The following TMEM38A variants were observed in gnomAD, a reference collection of about 807,000 sequenced individuals.
The protein encoded by TMEM38A is trimeric intracellular cation channel type A.
A neutral mutation model predicts 28.6 loss-of-function variants in TMEM38A; 17 were observed. The ratio of observed to expected loss-of-function variants is 0.60; its 90% CI spans 0.41 to 0.89. The LOEUF (loss-of-function observed/expected upper bound fraction) is 0.89. Ranked by LOEUF, TMEM38A falls within the 40% of genes least tolerant of loss-of-function variation. The probability of loss-of-function intolerance (pLI) is 0.00; values close to 1 mark genes in which losing one functional copy is unlikely to be tolerated. For missense variants in TMEM38A, 328 were observed against 393.1 expected (o/e 0.83, Z 1.40); for synonymous variants, 169 against 166.1 (o/e 1.02, Z -0.14).
chr19:16,685,316 G>A (rs1342045235), intron 4 of TMEM38A, among the ~76,000 whole-genome samples: 3 of 151,814 alleles, frequency 2.0e-5, no homozygotes, highest in Non-Finnish European at 4.4e-5. Context: ...AACCCAGGAG[G>A]TGGAGGTTGC....
At chr19:16,676,365 AAG>A (rs1258075447) in intron 1 of TMEM38A, among the ~76,000 whole-genome samples, 1 of 152,192 alleles carries the variant, frequency 6.6e-6, no homozygotes, top group Admixed American at 6.6e-5. Flanking sequence ...CAAACAAAAA[AAG>A]AGAGAGATTA....
Position 16,689,932 on chromosome 19 carries a change from G to A in TMEM38A, c.*1561G>A, listed in dbSNP as rs2086819047. On this transcript the variant is annotated 3_prime_UTR_variant, in exon 6 of 6. Coordinates refer to ENST00000187762, the MANE Select transcript of TMEM38A (RefSeq NM_024074.4). Reference sequence around the variant, plus strand: ...AAATTGCCTTGTTCCTGTGATGCCTGGGAGTTAGGTGGGTCCTGGGGAGGT... The same window carrying A: ...AAATTGCCTTGTTCCTGTGATGCCTAGGAGTTAGGTGGGTCCTGGGGAGGT... The A allele has an allele frequency of 6.6e-6, 1 of 152,258 alleles. No individual in the cohort carries two copies. The highest frequency in any genetic ancestry group is 1.5e-5 in the Non-Finnish European group (1 of 68,118). The allele number at this position is 152,258 out of a possible 1,614,324, so 9.4% of individuals were successfully genotyped here.
intron 1 of TMEM38A, among the ~76,000 whole-genome samples, chr19:16,670,008 C>G (rs370817317): frequency 6.6e-6 from 1 of 151,748 alleles, no homozygotes; most frequent in Non-Finnish European, 1.5e-5. Flanking sequence ...TCGCTATTAT[C>G]GCCCAGGTTG....
chr19:16,662,548 G>A (rs1467463236), intron 1 of TMEM38A, among the ~76,000 whole-genome samples: 1 of 146,882 alleles, frequency 6.8e-6, no homozygotes, highest in African/African-American at 2.5e-5. Context: ...CCACCTTCCA[G>A]GTTCAAGCGA....
chr19:16,662,453 T>C (rs2086686251), intron 1 of TMEM38A, among the ~76,000 whole-genome samples: 1 of 149,844 alleles, frequency 6.7e-6, no homozygotes, highest in Admixed American at 6.6e-5. Context: ...TTTTTTTTTT[T>C]TTTTTGCGGT....
chr19:16,679,252 CGTGTGTGTGTGTGT>C (rs35543309), intron 1 of TMEM38A, among the ~76,000 whole-genome samples: 3,935 of 128,364 alleles, frequency 0.031, 138 homozygotes, highest in Admixed American at 0.094. Context: ...TCTTTTGTTT[CGTGTGTGTGTGTGT>C]GTGTGTGTGT....
At chr19:16,664,259 T>G (rs1020663017) in intron 1 of TMEM38A, among the ~76,000 whole-genome samples, 5 of 125,888 alleles carry the variant, frequency 4.0e-5, no homozygotes, top group Non-Finnish European at 7.7e-5. Flanking sequence ...CCACTACAAA[T>G]GCAAAAAAAT....
intron 1 of TMEM38A, among the ~76,000 whole-genome samples, chr19:16,671,114 C>T (rs893309951): frequency 1.3e-5 from 2 of 150,364 alleles, no homozygotes; most frequent in African/African-American, 2.5e-5. Context: ...TCATGGCATG[C>T]GGCAGTTGAA....
rs199904175 is a variant in TMEM38A, at chr19:16,678,290, G to A, written c.125-1694G>A. 1.3e-4 allele frequency among the ~76,000 whole-genome samples: 20 copies of A among 152,140 alleles called. No individual in the cohort carries two copies. The East Asian group carries it at 2.3e-3, about 18-fold the overall frequency. ...CTAAAAATACAAAAATTAGTTGGGCGTGGTGGCGCATGCCTGTAATCCCAG... is the reference window on the plus strand; with the variant it reads ...CTAAAAATACAAAAATTAGTTGGGCATGGTGGCGCATGCCTGTAATCCCAG... On this transcript the variant is annotated intron_variant, in intron 1 of 5. Transcript: ENST00000187762.
chr19:16,680,182 A>C (rs1270161761), intron 2 of TMEM38A, 42 bp downstream of exon 2: 1 of 1,593,438 alleles, frequency 6.3e-7, no homozygotes. Context: ...CGGGTGGGGG[A>C]AACAACAACC....
At chr19:16,670,681 G>A (rs895047830) in intron 1 of TMEM38A, among the ~76,000 whole-genome samples, 3 of 151,160 alleles carry the variant, frequency 2.0e-5, no homozygotes, top group Non-Finnish European at 4.4e-5. Context: ...GCTCATGCCT[G>A]TAATCCCAGC....
At chr19:16,679,297 G>GTA (rs1309425920) in intron 1 of TMEM38A, among the ~76,000 whole-genome samples, 7 of 100,168 alleles carry the variant, frequency 7.0e-5, no homozygotes, top group African/African-American at 4.2e-4. Flanking sequence ...GTGTGTGTGT[G>GTA]TATGTGTGTG....
intron 1 of TMEM38A, among the ~76,000 whole-genome samples, chr19:16,662,994 A>G (rs957695462): frequency 7.2e-5 from 11 of 151,748 alleles, no homozygotes; most frequent in Non-Finnish European, 1.2e-4. Context: ...AGAAAATCTG[A>G]AACTGGCTGG....
intron 1 of TMEM38A, among the ~76,000 whole-genome samples, chr19:16,673,073 TG>T (rs1190216396): frequency 6.6e-6 from 1 of 151,786 alleles, no homozygotes; most frequent in African/African-American, 2.4e-5. Flanking sequence ...TTTTTCTTTT[TG>T]TTTGTTTGTT....
intron 1 of TMEM38A, among the ~76,000 whole-genome samples, chr19:16,664,062 C>T (rs1332034194): frequency 1.3e-5 from 2 of 152,076 alleles, no homozygotes; most frequent in Non-Finnish European, 2.9e-5. Context: ...GGGACTCAGC[C>T]CAGGTCTGCT....
intron 4 of TMEM38A, among the ~76,000 whole-genome samples, chr19:16,683,782 C>T (rs921239372): frequency 2.0e-5 from 3 of 151,576 alleles, no homozygotes; most frequent in African/African-American, 7.3e-5. Flanking sequence ...ACCAGCCTGA[C>T]CAACATAGAG....
intron 1 of TMEM38A, among the ~76,000 whole-genome samples, chr19:16,668,580 T>A (rs936636906): frequency 2.0e-5 from 3 of 150,778 alleles, no homozygotes; most frequent in African/African-American, 7.3e-5. Flanking sequence ...GCTCAGGAGA[T>A]CCACCTGCCT....
chr19:16,662,436 C>CTTTTTTTTTTTTTTT (rs35226829), intron 1 of TMEM38A, among the ~76,000 whole-genome samples: 18 of 75,832 alleles, frequency 2.4e-4, no homozygotes, highest in African/African-American at 3.3e-4. Flanking sequence ...TAAATGCACG[C>CTTTTTTTTTTTTTTT]TTTTTTTTTT....
chr19:16,680,807 G>A lies in TMEM38A; in HGVS notation c.466+226G>A, dbSNP rs1599391041. On this transcript the variant is annotated intron_variant, in intron 3 of 5. Coordinates refer to ENST00000187762, the MANE Select transcript of TMEM38A (RefSeq NM_024074.4). ...GGGTACCTAAGACAGTGATGATGAT[G>A]ACAAAAGCCAGCATTGCCAGAGCAG... 5 of 539,958 alleles carry A rather than the reference G, an allele frequency of 9.3e-6. No individual in the cohort carries two copies. In the East Asian group the frequency reaches 1.2e-4, roughly 13 times the overall value. The allele number at this position is 539,958 out of a possible 1,614,324, so 33.4% of individuals were successfully genotyped here.
Sources: allele counts gnomAD v4.1 joint callset (sites outside exome capture counted in the v4.1 genomes callset), GRCh38; gene constraint gnomAD v4.1.1; transcripts MANE v1.5; gene names NCBI Gene and HGNC (gene_info 2026-07-23, HGNC 2026-07-21).